Variants in DCC observed in about 807,000 individuals in gnomAD.
DCC encodes the protein netrin receptor DCC.
Under a neutral mutation model 172.5 loss-of-function variants are expected in DCC, and 58 were observed. That is an observed-to-expected ratio of 0.34 (90% CI 0.27 to 0.42). The LOEUF (loss-of-function observed/expected upper bound fraction) is 0.42, where lower values mean the gene tolerates loss of function less well. DCC is among the 10% of genes least tolerant of loss of function. DCC has a pLI of 1.00. For synonymous variants in DCC, 709 were observed against 644.5 expected (o/e 1.10, Z -1.52); for missense variants, 1,740 against 1,791.0 (o/e 0.97, Z 0.51).
intron 1 of DCC, among the ~76,000 whole-genome samples, chr18:52,694,074 A>T (rs1192330798): frequency 6.6e-6 from 1 of 152,130 alleles, no homozygotes; most frequent in African/African-American, 2.4e-5. Context: ...GTAACAAGTC[A>T]TGTTAATAGC....
chr18:53,195,533 A>G (rs2055430507), intron 9 of DCC, among the ~76,000 whole-genome samples: 1 of 152,082 alleles, frequency 6.6e-6, no homozygotes, highest in African/African-American at 2.4e-5. Context: ...AATTTAGTTC[A>G]TCTTGGAATT....
intron 2 of DCC, among the ~76,000 whole-genome samples, chr18:52,771,688 A>C (rs2037346278): frequency 6.6e-6 from 1 of 152,154 alleles, no homozygotes; most frequent in Non-Finnish European, 1.5e-5. Flanking sequence ...AACCTCCTTT[A>C]ATATTGAGCA....
At chr18:52,700,052 A>C (rs1246848849) in intron 1 of DCC, among the ~76,000 whole-genome samples, 1 of 151,358 alleles carries the variant, frequency 6.6e-6, no homozygotes, top group African/African-American at 2.4e-5. Flanking sequence ...TTTATGCAAA[A>C]AAAAAAAAAC....
intron 1 of DCC, among the ~76,000 whole-genome samples, chr18:52,748,435 G>C (rs1354639661): frequency 2.0e-5 from 3 of 152,346 alleles, no homozygotes; most frequent in African/African-American, 7.2e-5. Context: ...CAGAAGGGTT[G>C]CAGCTCTTCT....
chr18:53,528,308 A>C (rs991275200), intron 28 of DCC, among the ~76,000 whole-genome samples: 1 of 152,140 alleles, frequency 6.6e-6, no homozygotes, highest in African/African-American at 2.4e-5. Context: ...GTTTTGGCAG[A>C]TGAGTGTTAT....
intron 10 of DCC, 152 bp from the exon 11 acceptor site, chr18:53,207,527 G>C: frequency 1.4e-6 from 1 of 709,834 alleles, no homozygotes; most frequent in Non-Finnish European, 2.4e-6. Context: ...TAGTGGGGGA[G>C]TCTGTGTCAC....
At chr18:52,581,187 T>TTATATATCTATCTATCTATCTATCTATC in intron 1 of DCC, among the ~76,000 whole-genome samples, 1 of 146,554 alleles carries the variant, frequency 6.8e-6, no homozygotes, top group Non-Finnish European at 1.5e-5. Flanking sequence ...TCTATATATC[T>TTATATATCTATCTATCTATCTATCTATC]TATCTATCTA....
At chr18:52,355,443 C>T (rs977573501) in intron 1 of DCC, among the ~76,000 whole-genome samples, 2 of 152,114 alleles carry the variant, frequency 1.3e-5, no homozygotes, top group African/African-American at 4.8e-5. Context: ...GCTGTGTGAC[C>T]CTCACTATGA....
intron 2 of DCC, among the ~76,000 whole-genome samples, chr18:52,841,782 G>A (rs1360611175): frequency 6.6e-6 from 1 of 152,046 alleles, no homozygotes; most frequent in African/African-American, 2.4e-5. Context: ...GTTTCCATCT[G>A]AACAACATTT....
At chr18:53,427,274 A>AC (rs1427009836) in intron 21 of DCC, among the ~76,000 whole-genome samples, 1 of 151,986 alleles carries the variant, frequency 6.6e-6, no homozygotes, top group Non-Finnish European at 1.5e-5. Flanking sequence ...GGTTTCTTAG[A>AC]CCCCTAGGAT....
intron 7 of DCC, among the ~76,000 whole-genome samples, chr18:53,111,381 C>T (rs2043328931): frequency 1.4e-5 from 2 of 148,050 alleles, no homozygotes; most frequent in Admixed American, 1.4e-4. Flanking sequence ...CACATGTACC[C>T]TAAAACTTAA....
chr18:53,353,202 A>T (rs1309756925), intron 15 of DCC, among the ~76,000 whole-genome samples: 1 of 151,830 alleles, frequency 6.6e-6, no homozygotes, highest in Non-Finnish European at 1.5e-5. Context: ...TTGAACCCAG[A>T]GGCAGAGGTT....
chr18:52,698,368 T>G (rs909045697), intron 1 of DCC, among the ~76,000 whole-genome samples: 1 of 152,212 alleles, frequency 6.6e-6, no homozygotes, highest in African/African-American at 2.4e-5. Context: ...TATTTCTGCC[T>G]TGTTGAAGAA....
intron 12 of DCC, among the ~76,000 whole-genome samples, chr18:53,278,890 T>C (rs537272081): frequency 4.6e-5 from 7 of 152,146 alleles, no homozygotes; most frequent in Non-Finnish European, 8.8e-5. Flanking sequence ...CTGTTAAGTG[T>C]TGGAATTGTG....
intron 7 of DCC, among the ~76,000 whole-genome samples, chr18:53,151,870 T>C (rs545055357): frequency 7.9e-5 from 12 of 152,280 alleles, no homozygotes; most frequent in Admixed American, 5.9e-4. Flanking sequence ...TACACAACCA[T>C]GCTTCTTTTT....
chr18:52,485,028 G>C (rs1356552429), intron 1 of DCC, among the ~76,000 whole-genome samples: 1 of 152,064 alleles, frequency 6.6e-6, no homozygotes. Context: ...GAATTGATAT[G>C]ATACTTTTGT....
intron 1 of DCC, among the ~76,000 whole-genome samples, chr18:52,583,826 G>A (rs2033610895): frequency 6.6e-6 from 1 of 152,182 alleles, no homozygotes; most frequent in South Asian, 2.1e-4. Flanking sequence ...AATTTGACAA[G>A]GGCCTCTAAA....
chr18:53,234,049 G>C lies in DCC; in HGVS notation c.1911+18452G>C, dbSNP rs765607266. Among the ~76,000 whole-genome samples, 4 of 152,212 alleles carry C rather than the reference G, an allele frequency of 2.6e-5. No homozygotes were observed. The South Asian group carries it at 8.3e-4, about 32-fold the overall frequency. Reference sequence around the variant, plus strand: ...GCAGATCACCTGAGGTTGGGAGTTCGAGACCAGCCTGACCAACATGGAGAA... The same window carrying C: ...GCAGATCACCTGAGGTTGGGAGTTCCAGACCAGCCTGACCAACATGGAGAA... On this transcript the variant is annotated intron_variant, in intron 12 of 28. Coordinates refer to ENST00000442544, the MANE Select transcript of DCC (RefSeq NM_005215.4).
chr18:52,924,720 G>C (rs760520942), intron 4 of DCC, among the ~76,000 whole-genome samples: 1 of 151,842 alleles, frequency 6.6e-6, no homozygotes, highest in African/African-American at 2.4e-5. Context: ...TAACAACAAG[G>C]CATGGCATAT....
Sources: gnomAD v4.1 joint callset for allele counts (sites outside exome capture counted in the v4.1 genomes callset) on GRCh38, gnomAD v4.1.1 for gene constraint, MANE v1.5 for transcripts, NCBI Gene and HGNC (gene_info 2026-07-23, HGNC 2026-07-21) for gene names.